Variants in AKR1B15 observed in about 807,000 individuals in gnomAD.
AKR1B15 encodes estradiol 17-beta-dehydrogenase AKR1B15.
Under a neutral mutation model 38.5 loss-of-function variants are expected in AKR1B15, and 49 were observed. The observed-to-expected ratio is 1.27, with a 90% CI of 1.01 to 1.62. The LOEUF is 1.62. Ranked by LOEUF, AKR1B15 falls within the 40% of genes most tolerant of loss-of-function variation. The pLI is 0.00. For synonymous variants in AKR1B15, 137 were observed against 135.5 expected (o/e 1.01, Z -0.08); for missense variants, 411 against 381.6 (o/e 1.08, Z -0.64).
chr7:134,564,890 T>G (rs1437485343), intron 3 of AKR1B15, 121 bp downstream of exon 3: 2 of 525,250 alleles, frequency 3.8e-6, no homozygotes, highest in Non-Finnish European at 6.7e-6. Context: ...TTGGAGAACT[T>G]TTCTGTCTAG....
At chr7:134,566,753 G>T (rs959059319) in intron 3 of AKR1B15, among the ~76,000 whole-genome samples, 3 of 152,138 alleles carry the variant, frequency 2.0e-5, no homozygotes, top group Admixed American at 6.5e-5. Context: ...GAGCTGGAGG[G>T]TAGGACCCTC....
At chr7:134,557,951 T>C (rs1794258992) in intron 2 of AKR1B15, among the ~76,000 whole-genome samples, 2 of 96,708 alleles carry the variant, frequency 2.1e-5, no homozygotes, top group African/African-American at 1.3e-4. Context: ...CTCCTCCTAC[T>C]GTAACCCGTT....
intron 10 of AKR1B15, 95 bp downstream of exon 10, chr7:134,577,141 T>G: frequency 1.6e-6 from 2 of 1,282,720 alleles, no homozygotes; most frequent in Non-Finnish European, 2.2e-6. Flanking sequence ...CTGCACTGTC[T>G]TTGGCCCCCT....
chr7:134,557,767 A>C (rs1373755388), intron 2 of AKR1B15, among the ~76,000 whole-genome samples: 2 of 152,080 alleles, frequency 1.3e-5, no homozygotes, highest in African/African-American at 4.8e-5. Context: ...AGGTGTAAAA[A>C]GATGTGTAGC....
chr7:134,562,454 T>C (rs1794424120), intron 2 of AKR1B15, among the ~76,000 whole-genome samples: 1 of 151,794 alleles, frequency 6.6e-6, no homozygotes, highest in Non-Finnish European at 1.5e-5. Context: ...TGCTGATTGG[T>C]CTATTTTACA....
chr7:134,571,159 G>GTGATGGC (rs1198186602), intron 5 of AKR1B15, among the ~76,000 whole-genome samples: 4 of 152,328 alleles, frequency 2.6e-5, no homozygotes, highest in South Asian at 4.1e-4. Flanking sequence ...CTCCTGACCA[G>GTGATGGC]CTGGAGTGAT....
rs1376961496 is a variant in AKR1B15, at chr7:134,564,696, C to G, written c.77C>G (p.Pro26Arg). The G allele has an allele frequency of 2.9e-6, 2 of 699,090 alleles. No individual in the cohort carries two copies. The highest frequency in any genetic ancestry group is 5.4e-5 in the East Asian group (2 of 37,262). 43.3% of individuals were successfully genotyped at this position (699,090 alleles called of 1,614,324 possible). The change falls in exon 3 of 12, where the codon CCT becomes CGT. Residue 26 changes from proline to arginine, a missense_variant. By Grantham distance (103) the Pro-to-Arg change is moderately radical. Transcript: ENST00000457545. ...GGACCCCTGGACCAACCCGTTGGCC[C>G]TTTGACTGGCCTAAAGAGTTCCCTT... is the stretch of plus-strand genomic sequence containing the variant. ...HQGPLDQPVG[P>R]LTGLKSSLLK...
At chr7:134,549,459 A>G (rs1793890268) in intron 1 of AKR1B15, among the ~76,000 whole-genome samples, 1 of 152,114 alleles carries the variant, frequency 6.6e-6, no homozygotes, top group Non-Finnish European at 1.5e-5. Flanking sequence ...GGGTATAAAA[A>G]TTGTAATAAA....
At chr7:134,562,508 A>C (rs1195011400) in intron 2 of AKR1B15, among the ~76,000 whole-genome samples, 1 of 151,904 alleles carries the variant, frequency 6.6e-6, no homozygotes, top group Non-Finnish European at 1.5e-5. Flanking sequence ...TTGGTCCATT[A>C]TACGGAGCAC....
At chr7:134,576,817 C>T (rs1254521429) in intron 9 of AKR1B15, 146 bp from the exon 10 acceptor site, 1 of 743,696 alleles carries the variant, frequency 1.3e-6, no homozygotes, top group Non-Finnish European at 2.3e-6. Context: ...GGGTCTGGCA[C>T]AAGTCTAATA....
chr7:134,560,256 G>C (rs2117633134), intron 2 of AKR1B15, among the ~76,000 whole-genome samples: 1 of 152,250 alleles, frequency 6.6e-6, no homozygotes, highest in South Asian at 2.1e-4. Context: ...CACATTCCAA[G>C]GGTAGGCCTC....
intron 2 of AKR1B15, among the ~76,000 whole-genome samples, chr7:134,564,317 T>A (rs1794484644): frequency 6.6e-6 from 1 of 152,238 alleles, no homozygotes; most frequent in Non-Finnish European, 1.5e-5. Flanking sequence ...CCAAAACCAC[T>A]GAGGCCTAGG....
intron 3 of AKR1B15, among the ~76,000 whole-genome samples, chr7:134,567,197 A>C (rs1266188617): frequency 6.6e-6 from 1 of 152,176 alleles, no homozygotes; most frequent in Admixed American, 6.5e-5. Context: ...TTGTTACCTC[A>C]CAATAGAAGA....
intron 6 of AKR1B15, chr7:134,573,292 A>G (rs971727863): frequency 1.1e-6 from 1 of 879,390 alleles, no homozygotes; most frequent in African/African-American, 1.8e-5. Flanking sequence ...CAGCCTCCCA[A>G]AGTGTTCAGA....
chr7:134,565,390 G>A lies in AKR1B15; in HGVS notation c.150+621G>A, dbSNP rs1794509099. On this transcript the variant is annotated intron_variant, in intron 3 of 11. Transcript: ENST00000457545. ...CCACGGCTTCATTCTTGAAGCCAGC[G>A]AGACCACGAACCCTCTGGAAGGAAC... 1.6e-5 allele frequency: 25 copies of A among 1,597,852 alleles called. 1 individual carries two copies. The highest frequency in any genetic ancestry group is 4.5e-5 in the East Asian group (2 of 44,398).
intron 6 of AKR1B15, 146 bp downstream of exon 6, chr7:134,571,827 C>A (rs1241306187): frequency 2.8e-6 from 2 of 708,056 alleles, no homozygotes; most frequent in African/African-American, 1.8e-5. Context: ...CTCCTCATCA[C>A]CTTTGGCTTT....
intron 6 of AKR1B15, chr7:134,573,388 G>A: frequency 2.0e-6 from 2 of 985,324 alleles, no homozygotes. Flanking sequence ...TATGAAGTAT[G>A]GCAAGTATGT....
chr7:134,550,697 T>C (rs943528666), intron 1 of AKR1B15, among the ~76,000 whole-genome samples: 4 of 152,234 alleles, frequency 2.6e-5, no homozygotes, highest in African/African-American at 9.6e-5. Context: ...ACCTTGTTAA[T>C]TGCCTCCAGA....
intron 1 of AKR1B15, among the ~76,000 whole-genome samples, chr7:134,551,831 C>G (rs1793989988): frequency 6.6e-6 from 1 of 152,170 alleles, no homozygotes; most frequent in African/African-American, 2.4e-5. Flanking sequence ...GAAAGGAATG[C>G]CCATTAAAGC....
Sources: gnomAD v4.1 joint callset for allele counts (sites outside exome capture counted in the v4.1 genomes callset) on GRCh38, gnomAD v4.1.1 for gene constraint, MANE v1.5 for transcripts, NCBI Gene and HGNC (gene_info 2026-07-23, HGNC 2026-07-21) for gene names.